Variants in STXBP4 observed in about 807,000 individuals in gnomAD.
The protein encoded by STXBP4 is syntaxin binding protein 4.
A neutral mutation model predicts 76.1 loss-of-function variants in STXBP4; 55 were observed. The ratio of observed to expected loss-of-function variants is 0.72; its 90% CI spans 0.58 to 0.91. The LOEUF is 0.91. Among genes scored for constraint, STXBP4 ranks in the 40% least tolerant of loss-of-function variants. The pLI, the probability that STXBP4 is intolerant of heterozygous loss-of-function variation, is 0.00. For synonymous variants in STXBP4, 201 were observed against 220.2 expected (o/e 0.91, Z 0.77); for missense variants, 618 against 636.9 (o/e 0.97, Z 0.32).
At position 55,161,073 on chromosome 17, in the gene STXBP4, A is replaced by G. The variant is rs527369494; in HGVS notation, c.*1162A>G. The G allele has an allele frequency of 2.6e-5, 4 of 152,346 alleles. No individual in the cohort carries two copies. The East Asian group carries it at 7.7e-4, about 29-fold the overall frequency. The allele number at this position is 152,346 out of a possible 1,614,324, so 9.4% of individuals were successfully genotyped here. A position where few individuals can be genotyped will look rare whatever the true frequency, so the allele number is the denominator to read the frequency against. ...CCTAGAGGTCCTTAGAACATAGTCT[A>G]AGAACCATTCATTGTAGCCATTTTA... On this transcript the variant is annotated 3_prime_UTR_variant, in exon 18 of 18. Coordinates refer to ENST00000376352, the MANE Select transcript of STXBP4 (RefSeq NM_178509.6).
intron 8 of STXBP4, among the ~76,000 whole-genome samples, chr17:55,018,407 A>T (rs898326940): frequency 6.6e-6 from 1 of 152,190 alleles, no homozygotes; most frequent in African/African-American, 2.4e-5. Context: ...CTCCAGCCAT[A>T]ACAAACACAG....
At chr17:54,978,736 G>A (rs1036785935) in intron 1 of STXBP4, among the ~76,000 whole-genome samples, 1 of 151,974 alleles carries the variant, frequency 6.6e-6, no homozygotes, top group Non-Finnish European at 1.5e-5. Context: ...CTTGTTGTAA[G>A]CCATTCAAAA....
chr17:55,093,639 A>T (rs1465523238), intron 16 of STXBP4, among the ~76,000 whole-genome samples: 2 of 152,248 alleles, frequency 1.3e-5, no homozygotes, highest in Non-Finnish European at 2.9e-5. Flanking sequence ...TTAAGAAAAT[A>T]TATCAAATTT....
At chr17:55,129,448 T>C (rs1214806758) in intron 16 of STXBP4, among the ~76,000 whole-genome samples, 1 of 152,018 alleles carries the variant, frequency 6.6e-6, no homozygotes, top group Non-Finnish European at 1.5e-5. Context: ...AAAATTAAGG[T>C]AGGTGCCATG....
At chr17:54,990,632 T>A (rs8082471) in intron 3 of STXBP4, among the ~76,000 whole-genome samples, 193 bp from the exon 4 acceptor site, 42,670 of 152,018 alleles carry the variant, frequency 0.28, 6,259 homozygotes, top group African/African-American at 0.35. Flanking sequence ...CCCGAAACCA[T>A]CACCCCTCTG....
At chr17:55,141,234 A>C in intron 16 of STXBP4, 76 bp from the exon 17 acceptor site, 1 of 1,165,346 alleles carries the variant, frequency 8.6e-7, no homozygotes, top group East Asian at 2.4e-5. Context: ...TGTAAAGATG[A>C]GGGAGGTTTG....
chr17:55,198,589 G>A, the STXBP4 span, among the ~76,000 whole-genome samples: 12 of 152,080 alleles, frequency 7.9e-5, no homozygotes, highest in Non-Finnish European at 1.5e-4. Flanking sequence ...ATGATTTTTT[G>A]TTTATCGTAA....
chr17:55,031,389 C>A, intron 9 of STXBP4, 125 bp downstream of exon 9: 2 of 780,492 alleles, frequency 2.6e-6, no homozygotes, highest in Non-Finnish European at 4.1e-6. Flanking sequence ...ACATCCATTT[C>A]AAGGTCCTTA....
At chr17:55,126,575 G>T (rs1598334945) in intron 16 of STXBP4, among the ~76,000 whole-genome samples, 1 of 152,132 alleles carries the variant, frequency 6.6e-6, no homozygotes, top group African/African-American at 2.4e-5. Context: ...TGAAAATTCA[G>T]TAAATATACA....
At chr17:55,044,024 T>A (rs1012122931) in intron 11 of STXBP4, 17 of 165,386 alleles carry the variant, frequency 1.0e-4, no homozygotes, top group East Asian at 1.7e-4. Flanking sequence ...AATTTTTTTT[T>A]AAATTTTTAT....
chr17:55,110,594 CT>C (rs1459942362), intron 16 of STXBP4, among the ~76,000 whole-genome samples: 3 of 152,134 alleles, frequency 2.0e-5, no homozygotes, highest in Non-Finnish European at 2.9e-5. Context: ...ATTCTGTAAA[CT>C]TTTTTTCTGT....
chr17:55,052,916 CGTGTGTGTGTGT>C (rs59163531), intron 12 of STXBP4, among the ~76,000 whole-genome samples: 3 of 95,702 alleles, frequency 3.1e-5, no homozygotes, highest in South Asian at 9.0e-4. Context: ...ACGTGTATGA[CGTGTGTGTGTGT>C]GTGTGTGTGT....
intron 16 of STXBP4, among the ~76,000 whole-genome samples, chr17:55,118,031 AT>A (rs1207825428): frequency 1.3e-5 from 2 of 152,056 alleles, no homozygotes; most frequent in African/African-American, 4.8e-5. Context: ...AACACTACTT[AT>A]TTATTCAGCA....
rs10632680 is a variant in STXBP4, at chr17:55,125,479, C to CAAAAAAAAAAA, written c.1490-15820_1490-15810dup. ...CCTATTGTAAACCCTGGACAAAATA[C>CAAAAAAAAAAA]AAAAAAAAAAAAAAAAAAAAATACA... On this transcript the variant is annotated intron_variant, in intron 16 of 17. Transcript: ENST00000376352. Among the ~76,000 whole-genome samples the CAAAAAAAAAAA allele has an allele frequency of 8.5e-3, 776 of 91,426 alleles. 4 individuals carry two copies. The highest frequency in any genetic ancestry group is 0.013 in the East Asian group (43 of 3,186). 60.0% of individuals were successfully genotyped at this position (91,426 alleles called of 152,430 possible). A position where few individuals can be genotyped will look rare whatever the true frequency, so the allele number is the denominator to read the frequency against.
intron 16 of STXBP4, among the ~76,000 whole-genome samples, chr17:55,105,360 C>G (rs2079619100): frequency 6.6e-6 from 1 of 151,984 alleles, no homozygotes; most frequent in African/African-American, 2.4e-5. Flanking sequence ...GTATTTATTT[C>G]TGCCTTAATT....
intron 17 of STXBP4, among the ~76,000 whole-genome samples, chr17:55,147,487 C>T (rs543395815): frequency 1.3e-5 from 2 of 152,272 alleles, no homozygotes; most frequent in African/African-American, 2.4e-5. Flanking sequence ...GTTGAGGACC[C>T]CTGAATTATA....
At chr17:55,184,852 G>C in the STXBP4 span, among the ~76,000 whole-genome samples, 7 of 152,102 alleles carry the variant, frequency 4.6e-5, no homozygotes, top group African/African-American at 1.7e-4. Context: ...AGATTTTGGT[G>C]ATACTTTGGT....
At chr17:55,139,986 G>T (rs376905494) in intron 16 of STXBP4, among the ~76,000 whole-genome samples, 1 of 152,222 alleles carries the variant, frequency 6.6e-6, no homozygotes, top group East Asian at 1.9e-4. Flanking sequence ...AATGGCGATA[G>T]AGTAAGGTTT....
In STXBP4 at chr17:54,991,385, A is replaced by C. The variant is rs552418579; in HGVS notation, c.180+428A>C. 2.0e-5 allele frequency: 3 copies of C among 152,376 alleles called. No individual in the cohort carries two copies. In the South Asian group the frequency reaches 6.2e-4, roughly 32 times the overall value. The allele number at this position is 152,376 out of a possible 1,614,324, so 9.4% of individuals were successfully genotyped here. ...AACAAAATCTAATTTCTGAATTCGC[A>C]GTTCTTGTAGCTTGAGCTAATGAGT... On this transcript the variant is annotated intron_variant, in intron 4 of 17. Transcript: ENST00000376352.
Sources: gnomAD v4.1 joint callset for allele counts (sites outside exome capture counted in the v4.1 genomes callset) on GRCh38, gnomAD v4.1.1 for gene constraint, MANE v1.5 for transcripts, NCBI Gene and HGNC (gene_info 2026-07-23, HGNC 2026-07-21) for gene names.